The following THSD4 variants were observed in gnomAD, a reference collection of about 807,000 sequenced individuals.
THSD4 encodes the protein thrombospondin type 1 domain containing 4.
THSD4 carries 69 observed loss-of-function variants against 119.0 expected under a neutral mutation model. The observed-to-expected ratio is 0.58, with a 90% CI of 0.48 to 0.71. The LOEUF (loss-of-function observed/expected upper bound fraction) is 0.71. THSD4 is among the 30% of genes least tolerant of loss of function. The probability of loss-of-function intolerance (pLI) is 0.00; values close to 1 mark genes in which losing one functional copy is unlikely to be tolerated. For missense variants in THSD4, 1,393 were observed against 1,391.1 expected (o/e 1.00, Z -0.02); for synonymous variants, 524 against 540.4 (o/e 0.97, Z 0.42).
chr15:71,667,790 A>G (rs546518520), intron 8 of THSD4, among the ~76,000 whole-genome samples: 77 of 152,334 alleles, frequency 5.1e-4, no homozygotes, highest in African/African-American at 1.7e-3. Context: ...AAATAGAGCA[A>G]AAAGGTAAAA....
chr15:71,129,067 A>G (rs970311605), intron 1 of THSD4, among the ~76,000 whole-genome samples: 10 of 152,206 alleles, frequency 6.6e-5, no homozygotes, highest in Non-Finnish European at 1.3e-4. Context: ...CCCAAGGCAT[A>G]CAGGAGAGGG....
rs1254064924 is a variant in THSD4 at position 71,494,463 on chromosome 15, TTAAA to T, written c.1152+82643_1152+82646del. Among the ~76,000 whole-genome samples the T allele has an allele frequency of 3.9e-5, 6 of 152,282 alleles. No homozygotes were observed. In the East Asian group the frequency reaches 9.6e-4, roughly 24 times the overall value. ...TCCCCAATAGGACACTGGCTTTTAA[TTAAA>T]TACTTTTAAAAGCTTTCAAGCAACT... On this transcript the variant is annotated intron_variant, in intron 7 of 17. Coordinates refer to ENST00000261862, the MANE Select transcript of THSD4 (RefSeq NM_024817.3).
At chr15:71,433,595 G>T (rs2046969422) in intron 7 of THSD4, among the ~76,000 whole-genome samples, 1 of 151,970 alleles carries the variant, frequency 6.6e-6, no homozygotes, top group Non-Finnish European at 1.5e-5. Flanking sequence ...GAGTCATCCT[G>T]GGTCGCAGGT....
At chr15:71,367,445 C>A (rs1160665643) in intron 6 of THSD4, among the ~76,000 whole-genome samples, 1 of 152,196 alleles carries the variant, frequency 6.6e-6, no homozygotes, top group Non-Finnish European at 1.5e-5. Context: ...CTCCCCACCC[C>A]ACGACAGGCC....
intron 6 of THSD4, among the ~76,000 whole-genome samples, chr15:71,319,377 G>A (rs2045235329): frequency 6.7e-6 from 1 of 148,634 alleles, no homozygotes; most frequent in Non-Finnish European, 1.5e-5. Context: ...TTCTCCTAAT[G>A]CTATCCCTCC....
intron 8 of THSD4, among the ~76,000 whole-genome samples, chr15:71,673,531 GC>G (rs2141017658): frequency 6.6e-6 from 1 of 152,168 alleles, no homozygotes; most frequent in East Asian, 1.9e-4. Flanking sequence ...CCTTCTGTTA[GC>G]TTTTGAATTT....
At chr15:71,568,789 G>A (rs2049293139) in intron 7 of THSD4, among the ~76,000 whole-genome samples, 1 of 151,950 alleles carries the variant, frequency 6.6e-6, no homozygotes, top group African/African-American at 2.4e-5. Context: ...CCCTTCCTGT[G>A]TCCAAGTGTT....
At chr15:71,431,792 C>T (rs966252257) in intron 7 of THSD4, among the ~76,000 whole-genome samples, 2 of 152,062 alleles carry the variant, frequency 1.3e-5, no homozygotes, top group African/African-American at 2.4e-5. Context: ...TTCAAGGCAA[C>T]CCTCCAGAAC....
intron 3 of THSD4, among the ~76,000 whole-genome samples, chr15:71,160,107 G>A (rs185555009): frequency 1.1e-4 from 17 of 152,070 alleles, no homozygotes; most frequent in Non-Finnish European, 1.2e-4. Flanking sequence ...TTTTGTTCAT[G>A]TGGTGTGTCA....
At chr15:71,538,143 G>A (rs960530162) in intron 7 of THSD4, among the ~76,000 whole-genome samples, 1 of 151,864 alleles carries the variant, frequency 6.6e-6, no homozygotes, top group African/African-American at 2.4e-5. Context: ...ATTTTCTTTT[G>A]TGTTTTTGTC....
intron 6 of THSD4, among the ~76,000 whole-genome samples, chr15:71,372,031 A>G (rs2046058129): frequency 6.6e-6 from 1 of 151,996 alleles, no homozygotes; most frequent in Admixed American, 6.5e-5. Flanking sequence ...CATTCATTTG[A>G]TCTTCAGTCA....
chr15:71,678,009 A>G (rs1355885491), intron 8 of THSD4, among the ~76,000 whole-genome samples: 1 of 152,240 alleles, frequency 6.6e-6, no homozygotes, highest in Non-Finnish European at 1.5e-5. Context: ...GCAGCGCCTA[A>G]GGACAGCATC....
chr15:71,720,814 G>A (rs1241254835), intron 8 of THSD4, among the ~76,000 whole-genome samples: 3 of 152,220 alleles, frequency 2.0e-5, no homozygotes, highest in African/African-American at 7.2e-5. Flanking sequence ...TTCAGTATTC[G>A]GTTTGTTCGG....
chr15:71,575,724 G>A lies in THSD4; in HGVS notation c.1153-84806G>A, dbSNP rs144334965. 5.2e-3 allele frequency among the ~76,000 whole-genome samples: 795 copies of A among 152,274 alleles called. 10 individuals carry two copies. The highest frequency in any genetic ancestry group is 0.017 in the African/African-American group (693 of 41,552). On this transcript the variant is annotated intron_variant, in intron 7 of 17. Transcript: ENST00000261862. ...AGCTGCTAGTTATATGGACTTTCCA[G>A]AGGACTGTAGGAAATTTATGAATAA... is the stretch of plus-strand genomic sequence containing the variant.
chr15:71,551,364 T>G (rs1231912763), intron 7 of THSD4, among the ~76,000 whole-genome samples: 1 of 152,150 alleles, frequency 6.6e-6, no homozygotes, highest in African/African-American at 2.4e-5. Flanking sequence ...TGAATGATCA[T>G]GCAATAAGGG....
At chr15:71,750,279 C>T (rs571151821) in intron 14 of THSD4, among the ~76,000 whole-genome samples, 24 of 152,300 alleles carry the variant, frequency 1.6e-4, no homozygotes, top group South Asian at 4.1e-4. Context: ...ATGCCCCATA[C>T]GGCCACATTG....
chr15:71,158,449 G>C (rs2043222450), intron 3 of THSD4, among the ~76,000 whole-genome samples: 1 of 152,058 alleles, frequency 6.6e-6, no homozygotes, highest in South Asian at 2.1e-4. Context: ...CACCGCGCCT[G>C]GCCAACACTT....
chr15:71,575,795 A>G (rs1297254742), intron 7 of THSD4, among the ~76,000 whole-genome samples: 2 of 152,184 alleles, frequency 1.3e-5, no homozygotes, highest in African/African-American at 2.4e-5. Flanking sequence ...AGTCTACTTT[A>G]TATGGTGTTG....
rs536548217 is a variant in THSD4 at position 71,241,385 on chromosome 15, A to T, written c.465-1264A>T. 1.5e-3 allele frequency among the ~76,000 whole-genome samples: 230 copies of T among 152,302 alleles called. 11 individuals are homozygous for T. The South Asian group carries it at 0.046, about 30-fold the overall frequency. On this transcript the variant is annotated intron_variant, in intron 4 of 17. Transcript: ENST00000261862. ...ACCTTTTCTGATCCCTTCAGACAGA[A>T]GTGCTTTTTCTTGCCTCAGAATTTC...
Sources: gnomAD v4.1 joint callset for allele counts (sites outside exome capture counted in the v4.1 genomes callset) on GRCh38, gnomAD v4.1.1 for gene constraint, MANE v1.5 for transcripts, NCBI Gene and HGNC (gene_info 2026-07-23, HGNC 2026-07-21) for gene names.